GIPC2: variants seen among roughly 807,000 people sequenced by gnomAD.
The protein encoded by GIPC2 is GIPC PDZ domain containing family member 2.
GIPC2 carries 30 observed loss-of-function variants against 30.6 expected under a neutral mutation model. The observed-to-expected ratio is 0.98, with a 90% CI of 0.73 to 1.33. The LOEUF is 1.33. Among genes scored for constraint, GIPC2 ranks in the 40% most tolerant of loss-of-function variants. The probability of loss-of-function intolerance (pLI) is 0.00; values close to 1 mark genes in which losing one functional copy is unlikely to be tolerated. For missense variants in GIPC2, 414 were observed against 390.3 expected (o/e 1.06, Z -0.51); for synonymous variants, 167 against 150.0 (o/e 1.11, Z -0.83).
At chr1:78,076,385 C>G (rs1470947967) in intron 1 of GIPC2, among the ~76,000 whole-genome samples, 3 of 152,178 alleles carry the variant, frequency 2.0e-5, no homozygotes, top group Non-Finnish European at 2.9e-5. Context: ...CATGCAGTCC[C>G]CAATCTTTAT....
chr1:78,084,137 G>A (rs1292507208), intron 2 of GIPC2, among the ~76,000 whole-genome samples: 1 of 152,176 alleles, frequency 6.6e-6, no homozygotes, highest in Non-Finnish European at 1.5e-5. Flanking sequence ...AAGTTCTGGT[G>A]TTAGCTGTGC....
Position 78,125,892 on chromosome 1 carries a change from CA to C in GIPC2, c.729del (p.Ala244GlnfsTer22), listed in dbSNP as rs1282612550. 2.5e-6 allele frequency: 4 copies of C among 1,573,150 alleles called. No homozygotes were observed. The highest frequency in any genetic ancestry group is 1.7e-5 in the Admixed American group (1 of 59,870). ...ATVEEMPSET[K>X]AKAIEKIDDV... ...CTTTTTTGATAAAGCCTTCTGAAAC[CA>C]AAGCAAAGGCAATTGAAAAGATTGA... On this transcript the variant is annotated frameshift_variant, in exon 5 of 6. Transcript: ENST00000370759. LOFTEE classifies it high-confidence loss of function.
At chr1:78,112,051 C>T (rs1662474929) in intron 3 of GIPC2, among the ~76,000 whole-genome samples, 2 of 152,168 alleles carry the variant, frequency 1.3e-5, no homozygotes, top group African/African-American at 2.4e-5. Flanking sequence ...ATAATCAGAC[C>T]TCAGTACTAA....
intron 1 of GIPC2, among the ~76,000 whole-genome samples, chr1:78,056,443 A>T (rs1007401814): frequency 6.6e-6 from 1 of 152,122 alleles, no homozygotes. Flanking sequence ...GCACCAGTGT[A>T]CTCCAGCCTG....
At chr1:78,107,466 T>TATTTTCCAC in intron 3 of GIPC2, among the ~76,000 whole-genome samples, 1 of 152,232 alleles carries the variant, frequency 6.6e-6, no homozygotes, top group East Asian at 1.9e-4. Flanking sequence ...TTTAGGCTTA[T>TATTTTCCAC]ATTTTCCACA....
intron 2 of GIPC2, chr1:78,091,661 CT>C (rs1378701100): frequency 1.3e-6 from 1 of 772,680 alleles, no homozygotes; most frequent in Non-Finnish European, 2.4e-6. Flanking sequence ...GCATATGGAT[CT>C]TATTCAGTCT....
chr1:78,079,382 C>G (rs1325862393), intron 1 of GIPC2, among the ~76,000 whole-genome samples: 3 of 152,132 alleles, frequency 2.0e-5, no homozygotes, highest in African/African-American at 7.2e-5. Context: ...TCTTCTGATT[C>G]AGACACATTT....
chr1:78,133,156 C>T (rs1662931725), intron 5 of GIPC2, among the ~76,000 whole-genome samples: 2 of 152,160 alleles, frequency 1.3e-5, no homozygotes, highest in African/African-American at 4.8e-5. Context: ...CATTCACTAG[C>T]ATTTATTATG....
chr1:78,085,553 CT>C (rs761359001), intron 2 of GIPC2, among the ~76,000 whole-genome samples: 329 of 131,230 alleles, frequency 2.5e-3, no homozygotes, highest in Middle Eastern at 0.016. Flanking sequence ...AGGTTCTAGG[CT>C]TTTTTTTTTT....
At chr1:78,050,759 T>A (rs1340327894) in intron 1 of GIPC2, among the ~76,000 whole-genome samples, 1 of 151,928 alleles carries the variant, frequency 6.6e-6, no homozygotes, top group Non-Finnish European at 1.5e-5. Flanking sequence ...CTCAACCTCC[T>A]GAGTAGCTAG....
chr1:78,046,368 T>TC, intron 1 of GIPC2, 34 bp downstream of exon 1: 3 of 1,557,742 alleles, frequency 1.9e-6, no homozygotes, highest in South Asian at 2.3e-5. Context: ...CTCCCGCCTC[T>TC]CCGCCGCGCC....
chr1:78,064,469 A>T (rs1661464521), intron 1 of GIPC2, among the ~76,000 whole-genome samples: 1 of 152,188 alleles, frequency 6.6e-6, no homozygotes, highest in Non-Finnish European at 1.5e-5. Context: ...CTTAGAGGCC[A>T]GTATTGGCTG....
intron 1 of GIPC2, among the ~76,000 whole-genome samples, chr1:78,076,770 T>G (rs1661723927): frequency 6.6e-6 from 1 of 152,072 alleles, no homozygotes; most frequent in African/African-American, 2.4e-5. Context: ...AGGTTTTATT[T>G]TAATTTTATT....
Position 78,135,804 on chromosome 1 carries a change from G to A in GIPC2, c.*61G>A. The A allele has an allele frequency of 7.1e-7, 1 of 1,407,760 alleles. No homozygotes were observed. 87.2% of individuals were successfully genotyped at this position (1,407,760 alleles called of 1,614,324 possible). Reference sequence around the variant, plus strand: ...TTCTTTTTTTTCTCTTTTTTAAAAAGTCCTATAAGATCTGTTTTTGGACAC... The same window carrying A: ...TTCTTTTTTTTCTCTTTTTTAAAAAATCCTATAAGATCTGTTTTTGGACAC... On this transcript the variant is annotated 3_prime_UTR_variant, in exon 6 of 6. Coordinates refer to ENST00000370759, the MANE Select transcript of GIPC2 (RefSeq NM_017655.6).
At chr1:78,133,640 G>A (rs190676334) in intron 5 of GIPC2, among the ~76,000 whole-genome samples, 1 of 151,966 alleles carries the variant, frequency 6.6e-6, no homozygotes, top group East Asian at 1.9e-4. Context: ...GATTTATGAG[G>A]GTACAGCATT....
At chr1:78,086,663 T>A (rs556245840) in intron 2 of GIPC2, among the ~76,000 whole-genome samples, 1 of 152,174 alleles carries the variant, frequency 6.6e-6, no homozygotes, top group South Asian at 2.1e-4. Context: ...GATTGAACCC[T>A]TTTACCATTA....
intron 1 of GIPC2, among the ~76,000 whole-genome samples, chr1:78,066,860 C>T (rs1489878036): frequency 6.6e-6 from 1 of 152,084 alleles, no homozygotes; most frequent in Non-Finnish European, 1.5e-5. Context: ...TAGAAAGAAG[C>T]AACAGACACT....
At chr1:78,119,364 TGTA>T in intron 3 of GIPC2, 26 bp from the exon 4 acceptor site, 1 of 1,206,216 alleles carries the variant, frequency 8.3e-7, no homozygotes, top group Non-Finnish European at 1.2e-6. Context: ...TCTGTGTATA[TGTA>T]TGTTTCCCTG....
Position 78,138,063 on chromosome 1 carries a change from C to T in GIPC2, c.*2320C>T, listed in dbSNP as rs1223652912. On this transcript the variant is annotated 3_prime_UTR_variant, in exon 6 of 6. Transcript: ENST00000370759. ...GTTCTTGATTTCCTGTTATTGAAAACAGCATCTTCCTTCTTGCAATGGCCA... is the reference window on the plus strand; with the variant it reads ...GTTCTTGATTTCCTGTTATTGAAAATAGCATCTTCCTTCTTGCAATGGCCA... 6.6e-6 allele frequency: 1 copy of T among 151,214 alleles called. No homozygotes were observed. Among genetic ancestry groups the T allele is most frequent in the Admixed American group, 6.6e-5 (1 of 15,124 alleles). The allele number at this position is 151,214 out of a possible 1,614,324, so 9.4% of individuals were successfully genotyped here.
Sources: allele counts gnomAD v4.1 joint callset (sites outside exome capture counted in the v4.1 genomes callset), GRCh38; gene constraint gnomAD v4.1.1; transcripts MANE v1.5; gene names NCBI Gene and HGNC (gene_info 2026-07-23, HGNC 2026-07-21).